Variants in CPQ observed in about 807,000 individuals in gnomAD.
CPQ encodes the protein Ser-Met dipeptidase.
In CPQ, 37 loss-of-function variants were observed where a neutral mutation model predicts 45.7. The ratio of observed to expected loss-of-function variants is 0.81; its 90% CI spans 0.62 to 1.07. The LOEUF (loss-of-function observed/expected upper bound fraction) is 1.07. Among genes scored for constraint, CPQ ranks in the 50% least tolerant of loss-of-function variants. The pLI, the probability that CPQ is intolerant of heterozygous loss-of-function variation, is 0.00. For missense variants in CPQ, 537 were observed against 572.9 expected (o/e 0.94, Z 0.64); for synonymous variants, 186 against 205.8 (o/e 0.90, Z 0.82).
chr8:96,938,080 A>G (rs752988527), intron 4 of CPQ, among the ~76,000 whole-genome samples: 1 of 152,236 alleles, frequency 6.6e-6, no homozygotes, highest in Non-Finnish European at 1.5e-5. Flanking sequence ...AGGCCAAAAC[A>G]TTAATATTTT....
intron 1 of CPQ, among the ~76,000 whole-genome samples, chr8:96,728,512 C>T (rs1045962088): frequency 6.6e-5 from 10 of 152,054 alleles, no homozygotes; most frequent in East Asian, 1.9e-4. Context: ...GTCTTAGAAA[C>T]GGTCACAATA....
At chr8:97,019,639 A>T (rs1421322622) in intron 5 of CPQ, among the ~76,000 whole-genome samples, 1 of 152,238 alleles carries the variant, frequency 6.6e-6, no homozygotes. Context: ...GGGTCATTAT[A>T]TAATGATAAA....
chr8:96,955,356 G>A (rs1316115254), intron 4 of CPQ, among the ~76,000 whole-genome samples: 1 of 152,060 alleles, frequency 6.6e-6, no homozygotes, highest in African/African-American at 2.4e-5. Context: ...CAGTGATGAT[G>A]AGCATTTTTT....
At chr8:96,697,815 A>G (rs1809405806) in intron 1 of CPQ, among the ~76,000 whole-genome samples, 1 of 152,154 alleles carries the variant, frequency 6.6e-6, no homozygotes, top group Non-Finnish European at 1.5e-5. Context: ...AAAGATCTCT[A>G]CAATGAAAAT....
chr8:96,888,083 T>A (rs1812326865), intron 4 of CPQ, among the ~76,000 whole-genome samples: 2 of 152,196 alleles, frequency 1.3e-5, no homozygotes, highest in Admixed American at 1.3e-4. Context: ...TGTAGGGGGC[T>A]GTCCCGTGCA....
At chr8:97,098,836 CCAAA>C (rs1811252927) in intron 7 of CPQ, among the ~76,000 whole-genome samples, 1 of 151,934 alleles carries the variant, frequency 6.6e-6, no homozygotes, top group Non-Finnish European at 1.5e-5. Context: ...CCCATGATTC[CCAAA>C]CAGAGACATG....
At chr8:96,926,576 C>CTCTTCTTCTTCTTCT (rs60745622) in intron 4 of CPQ, among the ~76,000 whole-genome samples, 2,640 of 74,986 alleles carry the variant, frequency 0.035, 117 homozygotes, top group Admixed American at 0.054. Flanking sequence ...CTTCCTCTTC[C>CTCTTCTTCTTCTTCT]TCTTCTTCTT....
chr8:96,839,963 A>C (rs935439389), intron 3 of CPQ, among the ~76,000 whole-genome samples: 10 of 149,602 alleles, frequency 6.7e-5, no homozygotes, highest in Non-Finnish European at 1.5e-5. Context: ...ATGGCTTATC[A>C]TGCTACACAT....
chr8:97,133,437 G>C (rs1293495483), intron 7 of CPQ: 2 of 152,164 alleles, frequency 1.3e-5, no homozygotes, highest in Admixed American at 6.5e-5. Context: ...AGAAGCATAT[G>C]AACGTGATTG....
chr8:96,949,708 CCTT>C (rs761950914), intron 4 of CPQ, among the ~76,000 whole-genome samples: 3 of 152,058 alleles, frequency 2.0e-5, no homozygotes, highest in Non-Finnish European at 4.4e-5. Flanking sequence ...AGCCCAACCT[CCTT>C]GTTTGGCTTT....
chr8:96,838,277 C>A (rs1811557084), intron 3 of CPQ, among the ~76,000 whole-genome samples: 1 of 152,138 alleles, frequency 6.6e-6, no homozygotes, highest in Non-Finnish European at 1.5e-5. Context: ...CAATAGGAGT[C>A]TTTTGCATGT....
rs552958933 is a variant in CPQ, at chr8:96,904,577, ATTAT to A, written c.849+24578_849+24581del. On this transcript the variant is annotated intron_variant, in intron 4 of 7. Transcript: ENST00000220763. The stretch of plus-strand genomic sequence containing the variant: ...CTGCAAAATGGGAGAGTTGGGAGAG[ATTAT>A]TTATTCTTAAACCATGCTGATCATC... Among the ~76,000 whole-genome samples, 28 of 152,186 alleles carry A rather than the reference ATTAT, an allele frequency of 1.8e-4. No homozygotes were observed. The East Asian group carries it at 5.0e-3, about 27-fold the overall frequency.
chr8:96,977,137 A>G (rs1484275331), intron 5 of CPQ, among the ~76,000 whole-genome samples: 1 of 152,008 alleles, frequency 6.6e-6, no homozygotes, highest in Non-Finnish European at 1.5e-5. Flanking sequence ...AAGAACTCAA[A>G]TAAGCAAGAG....
chr8:97,076,342 A>G (rs1810846510), intron 7 of CPQ, among the ~76,000 whole-genome samples: 2 of 152,208 alleles, frequency 1.3e-5, no homozygotes, highest in African/African-American at 4.8e-5. Flanking sequence ...ATTTTTATTT[A>G]TATAACTACA....
chr8:96,923,095 A>C (rs1812830614), intron 4 of CPQ, among the ~76,000 whole-genome samples: 1 of 152,208 alleles, frequency 6.6e-6, no homozygotes, highest in African/African-American at 2.4e-5. Context: ...CTGCAGGCAT[A>C]GAGGAGTCGT....
At chr8:96,667,316 A>G (rs1328305698) in intron 1 of CPQ, among the ~76,000 whole-genome samples, 1 of 151,316 alleles carries the variant, frequency 6.6e-6, no homozygotes, top group African/African-American at 2.4e-5. Flanking sequence ...TGATTTCTCT[A>G]ATTTTGAAAT....
At chr8:96,687,937 C>G (rs965735081) in intron 1 of CPQ, among the ~76,000 whole-genome samples, 12 of 151,616 alleles carry the variant, frequency 7.9e-5, no homozygotes, top group Non-Finnish European at 7.4e-5. Flanking sequence ...AAGGTGTAGT[C>G]TCTATTTTTA....
chr8:97,101,572 C>CTTTTTTT (rs5893410), intron 7 of CPQ, among the ~76,000 whole-genome samples: 232 of 114,144 alleles, frequency 2.0e-3, no homozygotes, highest in Middle Eastern at 4.5e-3. Context: ...TTTCTTTTTT[C>CTTTTTTT]TTTTTTTTTT....
At chr8:97,128,070 A>T (rs1372888890) in intron 7 of CPQ, among the ~76,000 whole-genome samples, 2 of 152,224 alleles carry the variant, frequency 1.3e-5, no homozygotes, top group African/African-American at 4.8e-5. Flanking sequence ...TAGAATGAGT[A>T]TTTTCTATTC....
Sources: allele counts gnomAD v4.1 joint callset (sites outside exome capture counted in the v4.1 genomes callset), GRCh38; gene constraint gnomAD v4.1.1; transcripts MANE v1.5; gene names NCBI Gene and HGNC (gene_info 2026-07-23, HGNC 2026-07-21).